The following PCDHA4 variants were observed in gnomAD, a reference collection of about 807,000 sequenced individuals.
The protein encoded by PCDHA4 is protocadherin alpha-4.
A neutral mutation model predicts 61.4 loss-of-function variants in PCDHA4; 49 were observed. The ratio of observed to expected loss-of-function variants is 0.80; its 90% CI spans 0.63 to 1.01. The LOEUF is 1.01. Ranked by LOEUF, PCDHA4 falls within the 50% of genes least tolerant of loss-of-function variation. The probability of loss-of-function intolerance (pLI) is 0.00; values close to 1 mark genes in which losing one functional copy is unlikely to be tolerated. For missense variants in PCDHA4, 1,254 were observed against 1,235.8 expected, an observed-to-expected ratio of 1.01 and a Z score of -0.22; for synonymous variants, 590 against 550.3, an observed-to-expected ratio of 1.07 and a Z score of -1.01.
In PCDHA4 at chr5:140,821,707, G is replaced by C. The variant is rs2150110191; in HGVS notation, c.2385+12135G>C. The C allele has an allele frequency of 0.014, 19,650 of 1,440,044 alleles. 1,552 individuals are homozygous for C. The African/African-American group carries it at 0.2, about 15-fold the overall frequency. 89.2% of individuals were successfully genotyped at this position (1,440,044 alleles called of 1,614,324 possible). On this transcript the variant is annotated intron_variant, in intron 1 of 3. Coordinates refer to ENST00000530339, the MANE Select transcript of PCDHA4 (RefSeq NM_018907.4). ...TAATATAAAAAATATATAGTTAATT[G>C]GGAATTGAATTTACAAAATACATTG...
intron 1 of PCDHA4, among the ~76,000 whole-genome samples, chr5:140,819,312 G>C (rs978611638): frequency 6.6e-6 from 1 of 151,934 alleles, no homozygotes; most frequent in African/African-American, 2.4e-5. Context: ...TTTTATTCTG[G>C]GTTTTGTAAG....
In PCDHA4 at chr5:140,828,050, G is replaced by C. The variant is rs2150150336; in HGVS notation, c.2385+18478G>C. 3 of 1,545,376 alleles carry C rather than the reference G, an allele frequency of 1.9e-6. No homozygotes were observed. In the Admixed American group the frequency reaches 6.2e-5, roughly 32 times the overall value. ...GGAACATACAGTATTTTATCTTTAT[G>C]CGGAAGATCTTCTAATGGAAATAAA... On this transcript the variant is annotated intron_variant, in intron 1 of 3. Coordinates refer to ENST00000530339, the MANE Select transcript of PCDHA4 (RefSeq NM_018907.4).
intron 1 of PCDHA4, among the ~76,000 whole-genome samples, chr5:140,896,950 C>A (rs996950218): frequency 6.6e-6 from 1 of 152,106 alleles, no homozygotes; most frequent in Non-Finnish European, 1.5e-5. Context: ...TGGCCATTCC[C>A]TTAAACATTT....
At chr5:140,991,590 G>A (rs1211923014) in intron 3 of PCDHA4, among the ~76,000 whole-genome samples, 2 of 152,098 alleles carry the variant, frequency 1.3e-5, no homozygotes, top group Non-Finnish European at 2.9e-5. Context: ...ATTTCTACCT[G>A]AGCCCTCACT....
At position 140,851,269 on chromosome 5, in the gene PCDHA4, T is replaced by C. The variant is rs1035284960; in HGVS notation, c.2385+41697T>C. ...GATGCATAGTATTTTAGTCTACTTG[T>C]ATTGTTTATAAGAAACCCAAGCAAA... is the stretch of plus-strand genomic sequence containing the variant. On this transcript the variant is annotated intron_variant, in intron 1 of 3. Transcript: ENST00000530339. 2.6e-5 allele frequency: 28 copies of C among 1,066,570 alleles called. No homozygotes were observed. In the South Asian group the frequency reaches 9.7e-4, roughly 37 times the overall value. The allele number at this position is 1,066,570 out of a possible 1,614,324, so 66.1% of individuals were successfully genotyped here. A position where few individuals can be genotyped will look rare whatever the true frequency, so the allele number is the denominator to read the frequency against.
chr5:140,967,386 T>TA, intron 1 of PCDHA4: 1 of 1,609,114 alleles, frequency 6.2e-7, no homozygotes, highest in Non-Finnish European at 8.5e-7. Context: ...AGTAAAGTGC[T>TA]TGAGCTGGTG....
Position 140,853,699 on chromosome 5 carries a change from C to T in PCDHA4, c.2385+44127C>T. 5.1e-6 allele frequency: 5 copies of T among 984,902 alleles called. 1 individual carries two copies. Among genetic ancestry groups the T allele is most frequent in the Non-Finnish European group, 6.1e-6 (5 of 817,068 alleles). The allele number at this position is 984,902 out of a possible 1,614,324, so 61.0% of individuals were successfully genotyped here. On this transcript the variant is annotated intron_variant, in intron 1 of 3. Transcript: ENST00000530339. Reference sequence around the variant, plus strand: ...GTCAACCTATCCTTAGACCTGCTAACGCATTAGCATTAGCAGCACCTAAGT... The same window carrying T: ...GTCAACCTATCCTTAGACCTGCTAATGCATTAGCATTAGCAGCACCTAAGT...
In PCDHA4 at chr5:140,808,295, G is replaced by C; in HGVS notation, c.1108G>C (p.Ala370Pro). 5 of 1,614,248 alleles carry C rather than the reference G, an allele frequency of 3.1e-6. No homozygotes were observed. The highest frequency in any genetic ancestry group is 1.7e-5 in the Admixed American group (1 of 60,030). The change falls in exon 1 of 4, where the codon GCC (alanine) becomes CCC (proline). Residue 370 changes from alanine to proline, a missense_variant. Coordinates refer to ENST00000530339, the MANE Select transcript of PCDHA4 (RefSeq NM_018907.4). The part of the protein sequence containing the change: ...REDAPLGTVI[A>P]LISVSDKDMG... Reference sequence around the variant, plus strand: ...GGACGCTCCACTGGGTACAGTCATCGCCCTGATCAGCGTGTCCGACAAAGA... The same window carrying C: ...GGACGCTCCACTGGGTACAGTCATCCCCCTGATCAGCGTGTCCGACAAAGA...
intron 1 of PCDHA4, chr5:140,968,319 TCAC>T: frequency 6.2e-7 from 1 of 1,613,996 alleles, no homozygotes; most frequent in East Asian, 2.2e-5. Flanking sequence ...GGGCTGCCAG[TCAC>T]CTCCTATGTC....
chr5:141,007,437 A>G (rs913587541), intron 3 of PCDHA4, among the ~76,000 whole-genome samples: 2 of 150,734 alleles, frequency 1.3e-5, no homozygotes, highest in Non-Finnish European at 2.9e-5. Context: ...GCATGGTGGC[A>G]TGTGCCTGTA....
In PCDHA4 at chr5:140,928,308, C is replaced by T. The variant is rs1554205728; in HGVS notation, c.2386-50641C>T. On this transcript the variant is annotated intron_variant, in intron 1 of 3. Transcript: ENST00000530339. The stretch of plus-strand genomic sequence containing the variant: ...TAGGCCGAGTGTTTGCCCAGGACCC[C>T]GACCTGGGGAAGAATGGCCTTGTCT... 3.7e-6 allele frequency: 6 copies of T among 1,614,008 alleles called. No individual in the cohort carries two copies. The South Asian group carries it at 5.5e-5, about 15-fold the overall frequency.
chr5:140,807,737 C>A lies in PCDHA4; in HGVS notation c.550C>A (p.Pro184Thr). 6.2e-7 allele frequency: 1 copy of A among 1,613,862 alleles called. No individual in the cohort carries two copies. The highest frequency in any genetic ancestry group is 2.2e-5 in the East Asian group (1 of 44,854). The change falls in exon 1 of 4, where the codon CCT becomes ACT. Residue 184 changes from proline (P) to threonine (T), a missense_variant. Coordinates refer to ENST00000530339, the MANE Select transcript of PCDHA4 (RefSeq NM_018907.4). ...TGAATACTTTTCTCTGGAAAAACCA[C>A]CTGATGACGAGCTGGTAAAAGGTCT... ...PNEYFSLEKP[P>T]DDELVKGLGL... is the part of the protein sequence containing the mutation.
intron 1 of PCDHA4, chr5:140,848,738 T>G (rs2150419097): frequency 6.3e-7 from 1 of 1,592,918 alleles, no homozygotes; most frequent in South Asian, 1.1e-5. Context: ...ATCTGCAGAA[T>G]GGCATTTTGT....
At position 140,807,901 on chromosome 5, in the gene PCDHA4, T is replaced by C. The variant is rs1764058639; in HGVS notation, c.714T>C (p.Asn238=). 6.2e-7 allele frequency: 1 copy of C among 1,613,982 alleles called. No homozygotes were observed. Among genetic ancestry groups the C allele is most frequent in the African/African-American group, 1.3e-5 (1 of 74,906 alleles). Reference sequence around the variant, plus strand: ...TCACAGTACTGGATGCCAATGACAATGCCCCAGCTTTTGACAGAACCATTT... The same window carrying C: ...TCACAGTACTGGATGCCAATGACAACGCCCCAGCTTTTGACAGAACCATTT... ...LLITVLDAND[N]APAFDRTIYK... Residue 238 remains asparagine, a synonymous_variant, in exon 1 of 4, where the codon AAT becomes AAC. Coordinates refer to ENST00000530339, the MANE Select transcript of PCDHA4 (RefSeq NM_018907.4).
chr5:140,953,456 C>T (rs1159331179), intron 1 of PCDHA4, among the ~76,000 whole-genome samples: 1 of 152,110 alleles, frequency 6.6e-6, no homozygotes, highest in Admixed American at 6.5e-5. Context: ...GATTATCTGT[C>T]AGAGTTTTAA....
intron 1 of PCDHA4, among the ~76,000 whole-genome samples, chr5:140,818,941 A>T (rs1470762019): frequency 6.6e-6 from 1 of 152,234 alleles, no homozygotes; most frequent in Non-Finnish European, 1.5e-5. Context: ...TTTGACATGA[A>T]CATTGATATT....
At chr5:140,917,262 T>C (rs1222739469) in intron 1 of PCDHA4, among the ~76,000 whole-genome samples, 1 of 151,720 alleles carries the variant, frequency 6.6e-6, no homozygotes, top group Middle Eastern at 3.2e-3. Context: ...CACCTGATGT[T>C]TGGTTTTTGT....
intron 1 of PCDHA4, chr5:140,967,137 T>C: frequency 1.2e-6 from 2 of 1,611,728 alleles, no homozygotes; most frequent in Non-Finnish European, 1.7e-6. Context: ...TTGGAAGTGC[T>C]GGCGCACAAC....
intron 3 of PCDHA4, among the ~76,000 whole-genome samples, chr5:140,999,125 G>C (rs1554256627): frequency 6.6e-6 from 1 of 152,152 alleles, no homozygotes; most frequent in South Asian, 2.1e-4. Context: ...TTCTAAGCTG[G>C]AAAATGTCAC....
Sources: gnomAD v4.1 joint callset for allele counts (sites outside exome capture counted in the v4.1 genomes callset) on GRCh38, gnomAD v4.1.1 for gene constraint, MANE v1.5 for transcripts, NCBI Gene and HGNC (gene_info 2026-07-23, HGNC 2026-07-21) for gene names.